The following EPHB1 variants were observed in gnomAD, a reference collection of about 807,000 sequenced individuals.
EPHB1 encodes the protein EPH receptor B1, also known as ephrin type-B receptor 1.
A neutral mutation model predicts 94.4 loss-of-function variants in EPHB1; 30 were observed. That is an observed-to-expected ratio of 0.32 (90% CI 0.24 to 0.43). The LOEUF (loss-of-function observed/expected upper bound fraction) is 0.43, where lower values mean the gene tolerates loss of function less well. Ranked by LOEUF, EPHB1 falls within the 20% of genes least tolerant of loss-of-function variation. EPHB1 has a pLI of 1.00. For missense variants in EPHB1, 1,055 were observed against 1,308.3 expected, an observed-to-expected ratio of 0.81 and a Z score of 2.99; for synonymous variants, 522 against 489.1, an observed-to-expected ratio of 1.07 and a Z score of -0.89.
chr3:135,031,112 C>T (rs1353059250), intron 3 of EPHB1, among the ~76,000 whole-genome samples: 7 of 152,146 alleles, frequency 4.6e-5, no homozygotes, highest in African/African-American at 7.2e-5. Flanking sequence ...CACTGACCTG[C>T]GCCCACTGTC....
intron 13 of EPHB1, among the ~76,000 whole-genome samples, chr3:135,245,470 C>CCAAA (rs527261746): frequency 7.6e-6 from 1 of 132,294 alleles, no homozygotes; most frequent in Non-Finnish European, 1.6e-5. Context: ...AGTAAACACA[C>CCAAA]CAAACAAAGA....
intron 12 of EPHB1, among the ~76,000 whole-genome samples, chr3:135,208,301 G>T (rs200428781): frequency 1.2e-5 from 1 of 80,046 alleles, no homozygotes; most frequent in Non-Finnish European, 2.5e-5. Context: ...GTGTGTGTGT[G>T]TGTGTGTGTG....
chr3:134,842,544 A>C (rs931002380), intron 1 of EPHB1, among the ~76,000 whole-genome samples: 2 of 152,210 alleles, frequency 1.3e-5, no homozygotes, highest in African/African-American at 2.4e-5. Context: ...AACAAAACCC[A>C]AAATCCCTCT....
At chr3:135,042,868 G>T (rs1368124061) in intron 3 of EPHB1, among the ~76,000 whole-genome samples, 1 of 151,908 alleles carries the variant, frequency 6.6e-6, no homozygotes, top group Non-Finnish European at 1.5e-5. Context: ...TTGAGACAGA[G>T]TCTCCGTCTG....
chr3:134,824,283 A>G (rs2036436645), intron 1 of EPHB1, among the ~76,000 whole-genome samples: 1 of 152,008 alleles, frequency 6.6e-6, no homozygotes, highest in Non-Finnish European at 1.5e-5. Context: ...GGGGTGAAGT[A>G]CTGGGAGGCA....
At chr3:134,838,505 A>T (rs2036717540) in intron 1 of EPHB1, among the ~76,000 whole-genome samples, 1 of 152,142 alleles carries the variant, frequency 6.6e-6, no homozygotes, top group African/African-American at 2.4e-5. Flanking sequence ...GTTTATACTA[A>T]AATTTTATCA....
chr3:134,869,551 T>C (rs967952484), intron 1 of EPHB1, among the ~76,000 whole-genome samples: 24 of 152,214 alleles, frequency 1.6e-4, no homozygotes, highest in African/African-American at 5.8e-4. Context: ...GATGCCCTGG[T>C]TGGCTGAGTG....
In EPHB1 at chr3:134,972,627, G is replaced by A. The variant is rs370738192; in HGVS notation, c.805+20575G>A. Reference sequence around the variant, plus strand: ...TCAAAACAGGGTTACAAAAATTGCCGTAATATTTGCATTCAACAAACAAGT... The same window carrying A: ...TCAAAACAGGGTTACAAAAATTGCCATAATATTTGCATTCAACAAACAAGT... On this transcript the variant is annotated intron_variant, in intron 3 of 15. Coordinates refer to ENST00000398015, the MANE Select transcript of EPHB1 (RefSeq NM_004441.5). 8.0e-5 allele frequency among the ~76,000 whole-genome samples: 12 copies of A among 149,588 alleles called. No homozygotes were observed. In the East Asian group the frequency reaches 9.7e-4, roughly 12 times the overall value.
intron 3 of EPHB1, among the ~76,000 whole-genome samples, chr3:134,988,729 A>G (rs1934692470): frequency 6.6e-6 from 1 of 152,162 alleles, no homozygotes; most frequent in Non-Finnish European, 1.5e-5. Flanking sequence ...TTCCCCAACC[A>G]CAGATTCTCT....
intron 3 of EPHB1, among the ~76,000 whole-genome samples, chr3:134,968,586 A>C (rs562467063): frequency 6.6e-6 from 1 of 152,336 alleles, no homozygotes; most frequent in Non-Finnish European, 1.5e-5. Flanking sequence ...ATTTTTAAAA[A>C]TTATAATACA....
At chr3:134,960,373 C>T (rs1193892589) in intron 3 of EPHB1, among the ~76,000 whole-genome samples, 4 of 152,178 alleles carry the variant, frequency 2.6e-5, no homozygotes, top group Non-Finnish European at 4.4e-5. Flanking sequence ...TCCCTACAGG[C>T]TGTAAATGTT....
chr3:135,043,091 C>T (rs931808935), intron 3 of EPHB1, among the ~76,000 whole-genome samples: 3 of 152,002 alleles, frequency 2.0e-5, no homozygotes, highest in African/African-American at 4.8e-5. Context: ...ATCCACCTGC[C>T]TCAGATTCCC....
intron 1 of EPHB1, among the ~76,000 whole-genome samples, chr3:134,903,630 C>A (rs535803936): frequency 2.9e-4 from 44 of 152,266 alleles, no homozygotes; most frequent in African/African-American, 1.0e-3. Flanking sequence ...CCCTTCCACC[C>A]AGCCTGGACT....
intron 12 of EPHB1, among the ~76,000 whole-genome samples, chr3:135,207,868 C>G (rs1446787796): frequency 6.6e-6 from 1 of 152,200 alleles, no homozygotes; most frequent in East Asian, 1.9e-4. Flanking sequence ...GGCATGTGCA[C>G]AGAAAGAGAG....
chr3:134,925,426 A>G (rs898708645), intron 1 of EPHB1, among the ~76,000 whole-genome samples: 1 of 152,172 alleles, frequency 6.6e-6, no homozygotes, highest in South Asian at 2.1e-4. Flanking sequence ...TGAGGAAGGA[A>G]TTAACTTTGG....
At chr3:134,881,265 A>T (rs898522006) in intron 1 of EPHB1, among the ~76,000 whole-genome samples, 2 of 152,058 alleles carry the variant, frequency 1.3e-5, no homozygotes, top group Admixed American at 1.3e-4. Flanking sequence ...TGTGTGTTTC[A>T]TGTGTGGATG....
At chr3:134,984,920 C>T (rs996130565) in intron 3 of EPHB1, among the ~76,000 whole-genome samples, 8 of 152,134 alleles carry the variant, frequency 5.3e-5, no homozygotes, top group Non-Finnish European at 7.4e-5. Flanking sequence ...AGTTATGTCA[C>T]AGTCCACTTC....
chr3:135,116,658 G>C (rs1939728377), intron 4 of EPHB1, among the ~76,000 whole-genome samples: 1 of 152,128 alleles, frequency 6.6e-6, no homozygotes, highest in South Asian at 2.1e-4. Flanking sequence ...CCCAAAGCCA[G>C]GTTCAGAATC....
At chr3:135,051,608 G>C (rs1054810186) in intron 3 of EPHB1, among the ~76,000 whole-genome samples, 5 of 152,224 alleles carry the variant, frequency 3.3e-5, no homozygotes, top group Non-Finnish European at 5.9e-5. Flanking sequence ...AGAGCAACAT[G>C]CTGAAAAGAT....
Sources: gnomAD v4.1 joint callset for allele counts (sites outside exome capture counted in the v4.1 genomes callset) on GRCh38, gnomAD v4.1.1 for gene constraint, MANE v1.5 for transcripts, NCBI Gene and HGNC (gene_info 2026-07-23, HGNC 2026-07-21) for gene names.